The following ELN variants were observed in gnomAD, a reference collection of about 807,000 sequenced individuals.
ELN encodes the protein tropoelastin.
A neutral mutation model predicts 105.8 loss-of-function variants in ELN; 65 were observed. The ratio of observed to expected loss-of-function variants is 0.61; its 90% CI spans 0.50 to 0.75. The LOEUF (loss-of-function observed/expected upper bound fraction) is 0.75, where lower values mean the gene tolerates loss of function less well. ELN is among the 30% of genes least tolerant of loss of function. ELN has a pLI of 0.00. For missense variants in ELN, 882 were observed against 969.4 expected (o/e 0.91, Z 1.20); for synonymous variants, 368 against 389.2 (o/e 0.95, Z 0.64).
At chr7:74,061,454 C>G (rs1796628427) in intron 26 of ELN, among the ~76,000 whole-genome samples, 1 of 151,896 alleles carries the variant, frequency 6.6e-6, no homozygotes, top group South Asian at 2.1e-4. Context: ...GGGTTCCAGA[C>G]CAGCCTGACC....
rs1554688700 is a variant in ELN at position 74,065,731 on chromosome 7, C to T, written c.2031C>T (p.Tyr677=). 12 of 1,613,896 alleles carry T rather than the reference C, an allele frequency of 7.4e-6. No individual in the cohort carries two copies. The highest frequency in any genetic ancestry group is 4.5e-5 in the East Asian group (2 of 44,890). ...PPAAAAKAAK[Y]GAAGLGGVLG... ...CTGCAGCCGCTAAAGCAGCTAAATACGGTGAGTTCCCCTCTGATGCCTTCC... is the reference window on the plus strand; with the variant it reads ...CTGCAGCCGCTAAAGCAGCTAAATATGGTGAGTTCCCCTCTGATGCCTTCC... The change falls in exon 30 of 33, where the codon TAC becomes TAT. Residue 677 remains tyrosine (Y), a splice_region_variant and synonymous_variant. Coordinates refer to ENST00000252034, the MANE Select transcript of ELN (RefSeq NM_000501.4).
At chr7:74,031,777 AAAAG>A (rs1554662319) in intron 1 of ELN, among the ~76,000 whole-genome samples, 2 of 149,902 alleles carry the variant, frequency 1.3e-5, no homozygotes, top group African/African-American at 5.1e-5. Flanking sequence ...TGAATATTTA[AAAAG>A]AAAGAAAAAG....
chr7:74,053,937 G>A (rs1306639977), intron 18 of ELN, among the ~76,000 whole-genome samples: 1 of 152,020 alleles, frequency 6.6e-6, no homozygotes, highest in African/African-American at 2.4e-5. Flanking sequence ...GGGATGGATG[G>A]ATGGGAGGCT....
intron 2 of ELN, among the ~76,000 whole-genome samples, chr7:74,036,182 C>T (rs1789897726): frequency 6.6e-6 from 1 of 151,438 alleles, no homozygotes; most frequent in South Asian, 2.1e-4. Flanking sequence ...CCCAGCTACT[C>T]GGGAGGCTAA....
chr7:74,044,417 C>T (rs1791977668), intron 9 of ELN, among the ~76,000 whole-genome samples: 1 of 152,188 alleles, frequency 6.6e-6, no homozygotes, highest in Admixed American at 6.5e-5. Context: ...CGTCCATCCC[C>T]TGAAGGTCAA....
At chr7:74,057,038 G>C (rs377525848) in intron 21 of ELN, among the ~76,000 whole-genome samples, 9 of 152,236 alleles carry the variant, frequency 5.9e-5, no homozygotes, top group African/African-American at 2.2e-4. Flanking sequence ...AGGAGTTCGA[G>C]ACCAGCCTGG....
Position 74,065,831 on chromosome 7 carries a change from C to G in ELN, c.2032+99C>G, listed in dbSNP as rs117450561. The G allele has an allele frequency of 1.9e-6, 3 of 1,610,686 alleles. No individual in the cohort carries two copies. The African/African-American group carries it at 4.0e-5, about 22-fold the overall frequency. On this transcript the variant is annotated intron_variant, in intron 30 of 32. Transcript: ENST00000252034. Reference sequence around the variant, plus strand: ...CCAGCTCAGGCCTCCCTCTGGCTCCCCCTACCCCTGAAGATCTTGTCTGGG... The same window carrying G: ...CCAGCTCAGGCCTCCCTCTGGCTCCGCCTACCCCTGAAGATCTTGTCTGGG...
intron 1 of ELN, among the ~76,000 whole-genome samples, chr7:74,031,425 T>C (rs1163484943): frequency 1.3e-5 from 2 of 152,174 alleles, no homozygotes; most frequent in Non-Finnish European, 2.9e-5. Context: ...TCCTTGTAAT[T>C]AGTGCACATT....
chr7:74,056,790 C>T, intron 21 of ELN, 77 bp downstream of exon 21: 1 of 1,596,798 alleles, frequency 6.3e-7, no homozygotes, highest in East Asian at 2.2e-5. Flanking sequence ...GGCAAACTGG[C>T]TCCCAGGCCT....
chr7:74,065,903 G>A (rs372846301), intron 30 of ELN, 41 bp from the exon 31 acceptor site: 11 of 1,613,918 alleles, frequency 6.8e-6, no homozygotes, highest in Admixed American at 1.7e-5. Flanking sequence ...GCCTCTTCCC[G>A]ATGGGGGTGT....
At chr7:74,058,535 T>G (rs1795896324) in intron 22 of ELN, among the ~76,000 whole-genome samples, 2 of 151,998 alleles carry the variant, frequency 1.3e-5, no homozygotes, top group South Asian at 4.2e-4. Context: ...TTAATTTTTT[T>G]GTAGCGACAG....
intron 32 of ELN, 66 bp downstream of exon 32, chr7:74,066,842 G>A (rs1554689678): frequency 1.3e-6 from 2 of 1,557,636 alleles, no homozygotes; most frequent in African/African-American, 2.7e-5. Flanking sequence ...CTCCTCTCCT[G>A]TGCCATCTCC....
chr7:74,060,619 G>A, intron 25 of ELN, 118 bp downstream of exon 25: 1 of 1,570,628 alleles, frequency 6.4e-7, no homozygotes, highest in Non-Finnish European at 8.6e-7. Context: ...TAAAATCCTT[G>A]TTAGGTTCTC....
At position 74,066,769 on chromosome 7, in the gene ELN, T is replaced by A; in HGVS notation, c.2124T>A (p.Ile708=). 1 of 1,613,218 alleles carries A rather than the reference T, an allele frequency of 6.2e-7. No individual in the cohort carries two copies. ...GACCTGGCTTCGGATTGTCTCCCATTTTCCCAGGTATGCCAGGCTCCCTGC... is the reference window on the plus strand; with the variant it reads ...GACCTGGCTTCGGATTGTCTCCCATATTCCCAGGTATGCCAGGCTCCCTGC... The part of the protein sequence containing the change: ...AARPGFGLSP[I]FPGGACLGKA... The change falls in exon 32 of 33, where the codon ATT becomes ATA. Residue 708 remains isoleucine (I), a synonymous_variant. Transcript: ENST00000252034.
Position 74,047,709 on chromosome 7 carries a change from G to T in ELN, c.678G>T (p.Leu226=). ...GYGLPYTTGK[L]PYGYGPGGVA... ...GACTGCCCTACACCACAGGGAAACT[G>T]CCCTATGGTGAGTGAGACCCTTCTA... The change falls in exon 13 of 33, where the codon CTG becomes CTT. Residue 226 remains leucine (L), a synonymous_variant. Coordinates refer to ENST00000252034, the MANE Select transcript of ELN (RefSeq NM_000501.4). 1 of 1,614,144 alleles carries T rather than the reference G, an allele frequency of 6.2e-7. No homozygotes were observed. The highest frequency in any genetic ancestry group is 2.2e-5 in the East Asian group (1 of 44,880).
At chr7:74,060,270 G>A (rs1796350202) in intron 24 of ELN, 86 bp downstream of exon 24, 2 of 1,613,634 alleles carry the variant, frequency 1.2e-6, no homozygotes, top group Non-Finnish European at 1.7e-6. Context: ...GCCGCTGCTT[G>A]GATCTGGGCC....
chr7:74,068,210 C>A (rs1798401176), intron 32 of ELN, among the ~76,000 whole-genome samples: 1 of 152,194 alleles, frequency 6.6e-6, no homozygotes, highest in African/African-American at 2.4e-5. Context: ...CTCTCTCCCT[C>A]TACTGGGCCT....
At chr7:74,048,429 G>A (rs374032488) in intron 14 of ELN, 74 bp from the exon 15 acceptor site, 2 of 1,610,202 alleles carry the variant, frequency 1.2e-6, no homozygotes, top group African/African-American at 1.3e-5. Flanking sequence ...GCTCTCTTGG[G>A]GCTGGGAACA....
intron 18 of ELN, among the ~76,000 whole-genome samples, chr7:74,054,470 CAAAA>C (rs113505500): frequency 1.1e-5 from 1 of 89,426 alleles, no homozygotes; most frequent in Non-Finnish European, 2.3e-5. Flanking sequence ...GACTCCATCT[CAAAA>C]AAAAAAAAAA....
Sources: allele counts gnomAD v4.1 joint callset (sites outside exome capture counted in the v4.1 genomes callset), GRCh38; gene constraint gnomAD v4.1.1; transcripts MANE v1.5; gene names NCBI Gene and HGNC (gene_info 2026-07-23, HGNC 2026-07-21).